Variants in PPP2R2B observed in about 807,000 individuals in gnomAD.
The protein encoded by PPP2R2B is serine/threonine-protein phosphatase 2A 55 kDa regulatory subunit B beta isoform.
A neutral mutation model predicts 46.0 loss-of-function variants in PPP2R2B; 5 were observed. The ratio of observed to expected loss-of-function variants is 0.11; its 90% confidence interval spans 0.06 to 0.23. The LOEUF is 0.23. Among genes scored for constraint, PPP2R2B ranks in the 10% least tolerant of loss-of-function variants. The pLI, the probability that PPP2R2B is intolerant of heterozygous loss-of-function variation, is 1.00. For synonymous variants in PPP2R2B, 215 were observed against 206.7 expected (o/e 1.04, Z -0.34); for missense variants, 367 against 575.0 (o/e 0.64, Z 3.70).
At chr5:146,906,709 C>A (rs1297467260) in intron 1 of PPP2R2B, among the ~76,000 whole-genome samples, 2 of 152,012 alleles carry the variant, frequency 1.3e-5, no homozygotes, top group African/African-American at 4.8e-5. Flanking sequence ...ATGTATCTTT[C>A]TTCTACTTTT....
At position 146,650,732 on chromosome 5, in the gene PPP2R2B, G is replaced by A. The variant is rs780836835; in HGVS notation, c.448-8C>T. ...GGGTCTCAGGACAGGCACCTGGGAT[G>A]CAAGAGAAACAAATCACTTCAGAAC... On this transcript the variant is annotated splice_region_variant and splice_polypyrimidine_tract_variant and intron_variant, in intron 5 of 9. Transcript: ENST00000394411. 12 of 1,610,434 alleles carry A rather than the reference G, an allele frequency of 7.5e-6. No individual in the cohort carries two copies. The highest frequency in any genetic ancestry group is 8.5e-6 in the Non-Finnish European group (10 of 1,178,478).
intron 2 of PPP2R2B, among the ~76,000 whole-genome samples, chr5:146,852,836 G>T (rs528010499): frequency 2.0e-5 from 3 of 152,206 alleles, no homozygotes; most frequent in Admixed American, 6.6e-5. Flanking sequence ...ACAGGAAAAA[G>T]GTCTATTTGA....
At chr5:146,817,352 A>T (rs987617517) in intron 2 of PPP2R2B, among the ~76,000 whole-genome samples, 1 of 152,158 alleles carries the variant, frequency 6.6e-6, no homozygotes, top group African/African-American at 2.4e-5. Context: ...GATGCTCACC[A>T]CTTAGGACAG....
In PPP2R2B at chr5:146,893,405, G is replaced by A. The variant is rs145250721; in HGVS notation, c.79+162260C>T. 4.1e-3 allele frequency among the ~76,000 whole-genome samples: 621 copies of A among 152,210 alleles called. 8 individuals are homozygous for A. The highest frequency in any genetic ancestry group is 0.014 in the African/African-American group (580 of 41,532). ...CTTCTTTTTCTGCCTTTTGAGTGGTGCCCACCATCGACCTAGCTGCCCCAT... is the reference window on the plus strand; with the variant it reads ...CTTCTTTTTCTGCCTTTTGAGTGGTACCCACCATCGACCTAGCTGCCCCAT... On this transcript the variant is annotated intron_variant, in intron 1 of 8. Transcript: ENST00000336640.
intron 1 of PPP2R2B, among the ~76,000 whole-genome samples, chr5:146,955,672 T>G (rs1004126048): frequency 6.6e-6 from 1 of 151,988 alleles, no homozygotes. Context: ...ACTCTCAGAG[T>G]GCAGGTGTCC....
intron 1 of PPP2R2B, among the ~76,000 whole-genome samples, chr5:146,896,055 C>T (rs959716461): frequency 7.2e-5 from 11 of 151,808 alleles, no homozygotes; most frequent in South Asian, 2.1e-4. Context: ...TGACCTTAAA[C>T]GAAGGCAGAG....
At chr5:146,697,130 A>G (rs17105189) in intron 4 of PPP2R2B, among the ~76,000 whole-genome samples, 8,660 of 152,284 alleles carry the variant, frequency 0.057, 512 homozygotes, top group East Asian at 0.31. Context: ...TATTCCTCAT[A>G]GACTCACATA....
intron 2 of PPP2R2B, among the ~76,000 whole-genome samples, chr5:146,789,041 C>T (rs1167461892): frequency 6.6e-6 from 1 of 152,164 alleles, no homozygotes; most frequent in African/African-American, 2.4e-5. Flanking sequence ...GTGATTTATT[C>T]ATTCAAATAT....
At chr5:146,749,638 C>G (rs1334592963) in intron 2 of PPP2R2B, among the ~76,000 whole-genome samples, 1 of 123,842 alleles carries the variant, frequency 8.1e-6, no homozygotes, top group African/African-American at 3.1e-5. Flanking sequence ...GAGATGGAGT[C>G]TCAGTCTGTC....
chr5:146,778,409 A>G (rs1348828084), intron 2 of PPP2R2B, among the ~76,000 whole-genome samples: 2 of 152,218 alleles, frequency 1.3e-5, no homozygotes, highest in Non-Finnish European at 2.9e-5. Flanking sequence ...TAGCAAGGCC[A>G]TAATAAAGAT....
At chr5:146,620,326 A>C (rs540827971) in intron 7 of PPP2R2B, among the ~76,000 whole-genome samples, 1 of 152,352 alleles carries the variant, frequency 6.6e-6, no homozygotes, top group African/African-American at 2.4e-5. Flanking sequence ...TTTGTGAGGA[A>C]TAATCATTTA....
At chr5:146,801,171 G>T (rs941398494) in intron 2 of PPP2R2B, among the ~76,000 whole-genome samples, 1 of 152,160 alleles carries the variant, frequency 6.6e-6, no homozygotes, top group African/African-American at 2.4e-5. Context: ...CAGGGCCTGA[G>T]GGGGTGGGGA....
intron 2 of PPP2R2B, among the ~76,000 whole-genome samples, chr5:146,762,288 G>A (rs1754214431): frequency 6.6e-6 from 1 of 152,280 alleles, no homozygotes; most frequent in East Asian, 1.9e-4. Context: ...TGGACTCAAT[G>A]GGAAGACTAC....
At chr5:146,922,417 G>A (rs139317767) in intron 1 of PPP2R2B, 2 of 152,250 alleles carry the variant, frequency 1.3e-5, no homozygotes, top group African/African-American at 4.8e-5. Flanking sequence ...CACATTTGAT[G>A]GCTTTTCATT....
At chr5:146,788,701 T>C (rs1756003459) in intron 2 of PPP2R2B, among the ~76,000 whole-genome samples, 2 of 152,228 alleles carry the variant, frequency 1.3e-5, no homozygotes, top group Non-Finnish European at 2.9e-5. Context: ...TCATTGCATT[T>C]CAGCCTGGGT....
intron 4 of PPP2R2B, among the ~76,000 whole-genome samples, chr5:146,693,453 A>C (rs1778999455): frequency 6.6e-6 from 1 of 151,898 alleles, no homozygotes; most frequent in Non-Finnish European, 1.5e-5. Flanking sequence ...AGGCTCAAGC[A>C]GTCTGCCCAC....
intron 7 of PPP2R2B, among the ~76,000 whole-genome samples, chr5:146,635,555 G>T (rs1342220219): frequency 6.6e-6 from 1 of 152,202 alleles, no homozygotes; most frequent in Non-Finnish European, 1.5e-5. Flanking sequence ...GCCACACTGG[G>T]CTATGGGGAT....
intron 7 of PPP2R2B, among the ~76,000 whole-genome samples, chr5:146,618,087 G>A (rs72652835): frequency 0.072 from 10,886 of 152,110 alleles, 606 homozygotes; most frequent in East Asian, 0.24. Context: ...CTGTGACCAC[G>A]TTATGTTACA....
chr5:146,773,157 A>G (rs560731932), intron 2 of PPP2R2B, among the ~76,000 whole-genome samples: 2 of 152,370 alleles, frequency 1.3e-5, no homozygotes, highest in Admixed American at 1.3e-4. Flanking sequence ...GAAACACATT[A>G]CTTCCCTCTG....
Sources: gnomAD v4.1 joint callset for allele counts (sites outside exome capture counted in the v4.1 genomes callset) on GRCh38, gnomAD v4.1.1 for gene constraint, MANE v1.5 for transcripts, NCBI Gene and HGNC (gene_info 2026-07-23, HGNC 2026-07-21) for gene names.